SPATA7: variants seen among roughly 807,000 people sequenced by gnomAD.
SPATA7 encodes the protein spermatogenesis-associated protein 7.
SPATA7 carries 43 observed loss-of-function variants against 51.8 expected under a neutral mutation model. The ratio of observed to expected loss-of-function variants is 0.83; its 90% CI spans 0.65 to 1.07. SPATA7 has a LOEUF of 1.07. SPATA7 is among the 50% of genes least tolerant of loss of function. The probability of loss-of-function intolerance (pLI) is 0.00; values close to 1 mark genes in which losing one functional copy is unlikely to be tolerated. For missense variants in SPATA7, 683 were observed against 701.3 expected, an observed-to-expected ratio of 0.97 and a Z score of 0.30; for synonymous variants, 230 against 252.8, an observed-to-expected ratio of 0.91 and a Z score of 0.86.
chr14:88,468,308 G>A, intron 4 of SPATA7: 3 of 1,521,482 alleles, frequency 2.0e-6, no homozygotes, highest in Non-Finnish European at 2.7e-6. Context: ...TGTTCCCCTG[G>A]GGAGACAGAA....
At chr14:88,425,118 A>T (rs1433333108) in intron 5 of SPATA7, among the ~76,000 whole-genome samples, 1 of 152,138 alleles carries the variant, frequency 6.6e-6, no homozygotes, top group African/African-American at 2.4e-5. Flanking sequence ...CAGTGTTTTT[A>T]TCTACAAAAT....
intron 1 of SPATA7, among the ~76,000 whole-genome samples, chr14:88,390,036 G>C (rs554625531): frequency 3.9e-5 from 6 of 152,186 alleles, no homozygotes; most frequent in Admixed American, 3.9e-4. Context: ...TCCCAAATCT[G>C]TCACATTCTT....
chr14:88,417,291 TTTAATCTG>T (rs2076507146), intron 5 of SPATA7, among the ~76,000 whole-genome samples: 1 of 129,956 alleles, frequency 7.7e-6, no homozygotes, highest in Non-Finnish European at 1.6e-5. Flanking sequence ...ATTTTTCTCT[TTTAATCTG>T]TGGGGTTTTT....
rs142122029 is a variant in SPATA7 at position 88,438,112 on chromosome 14, A to G, written c.1490A>G (p.Lys497Arg). Residue 497 changes from lysine to arginine, a missense_variant, in exon 12 of 12, where the codon AAA becomes AGA. Coordinates refer to ENST00000393545, the MANE Select transcript of SPATA7 (RefSeq NM_018418.5). ...ACTGAATTTTTCATGCCTATTTATAAATCAAAGCATTCAGAAGGGGTTATA... is the reference window on the plus strand; with the variant it reads ...ACTGAATTTTTCATGCCTATTTATAGATCAAAGCATTCAGAAGGGGTTATA... ...SPTEFFMPIY[K>R]SKHSEGVIIQ... 105 of 1,614,090 alleles carry G rather than the reference A, an allele frequency of 6.5e-5. No homozygotes were observed. The African/African-American group carries it at 1.3e-3, about 21-fold the overall frequency.
At chr14:88,402,493 T>G (rs750160397) in intron 4 of SPATA7, among the ~76,000 whole-genome samples, 38 of 152,176 alleles carry the variant, frequency 2.5e-4, no homozygotes, top group Non-Finnish European at 4.0e-4. Flanking sequence ...TAAATCCATG[T>G]GTTTATAGTC....
At position 88,389,165 on chromosome 14, in the gene SPATA7, G is replaced by C. The variant is rs533664769; in HGVS notation, c.20-2216G>C. On this transcript the variant is annotated intron_variant, in intron 1 of 11. Transcript: ENST00000393545. ...AAGGAGGAACCAGAAACTATGAGAG[G>C]GTAGATGAATTAAATCGTCTTATTT... Among the ~76,000 whole-genome samples the C allele has an allele frequency of 3.3e-5, 5 of 150,800 alleles. No individual in the cohort carries two copies. In the East Asian group the frequency reaches 7.8e-4, roughly 23 times the overall value.
downstream of SPATA7, among the ~76,000 whole-genome samples, chr14:88,439,348 C>T (rs950476570): frequency 6.6e-6 from 1 of 152,132 alleles, no homozygotes; most frequent in African/African-American, 2.4e-5. Context: ...GTCTGAAGCC[C>T]TCTCCTACCC....
At chr14:88,426,157 T>A (rs1401670237) in intron 5 of SPATA7, 75 bp from the exon 6 acceptor site, 15 of 1,050,620 alleles carry the variant, frequency 1.4e-5, no homozygotes, top group Non-Finnish European at 1.9e-5. Flanking sequence ...ATCATTTTTT[T>A]AATGTATAAT....
intron 4 of SPATA7, among the ~76,000 whole-genome samples, chr14:88,400,868 C>T (rs945492999): frequency 2.0e-5 from 3 of 151,978 alleles, no homozygotes; most frequent in African/African-American, 7.2e-5. Context: ...AAAAAACTTC[C>T]CAACAAAGAA....
chr14:88,455,801 C>T (rs992299007), downstream of SPATA7, among the ~76,000 whole-genome samples: 7 of 152,042 alleles, frequency 4.6e-5, no homozygotes, highest in South Asian at 4.2e-4. Flanking sequence ...TATGTATACA[C>T]GTGCCGTGTT....
At position 88,398,077 on chromosome 14, in the gene SPATA7, G is replaced by A. The variant is rs185910550; in HGVS notation, c.238+1874G>A. On this transcript the variant is annotated intron_variant, in intron 4 of 11. Transcript: ENST00000393545. The stretch of plus-strand genomic sequence containing the variant: ...AGCCTGGGCGAGAGAGCAAGACACC[G>A]TCTCAAAAAAAAAAAAGAAATGTAT... Among the ~76,000 whole-genome samples, 298 of 137,400 alleles carry A rather than the reference G, an allele frequency of 2.2e-3. 1 individual carries two copies. The highest frequency in any genetic ancestry group is 7.8e-3 in the African/African-American group (284 of 36,226). The allele number at this position is 137,400 out of a possible 152,430, so 90.1% of individuals were successfully genotyped here.
intron 4 of SPATA7, among the ~76,000 whole-genome samples, chr14:88,412,608 G>T (rs549457283): frequency 2.0e-5 from 3 of 152,264 alleles, no homozygotes; most frequent in African/African-American, 7.2e-5. Flanking sequence ...TTCTTTGTCA[G>T]CACCCTCACA....
At chr14:88,390,487 A>C (rs2139862577) in intron 1 of SPATA7, among the ~76,000 whole-genome samples, 1 of 152,278 alleles carries the variant, frequency 6.6e-6, no homozygotes, top group East Asian at 1.9e-4. Flanking sequence ...CAGTGAAATG[A>C]AAGTACCTTT....
chr14:88,469,004 G>T lies in SPATA7; in HGVS notation c.255-843G>T. The T allele has an allele frequency of 1.2e-6, 2 of 1,614,146 alleles. No individual in the cohort carries two copies. The highest frequency in any genetic ancestry group is 1.7e-6 in the Non-Finnish European group (2 of 1,180,026). On this transcript the variant is annotated intron_variant, in intron 4 of 4. Coordinates refer to the SPATA7 transcript ENST00000556406. This position sits in a 1 kb window ranked among gnomAD's most constrained non-coding sequence, Gnocchi z 4.3. Reference sequence around the variant, plus strand: ...CCCAGCACTGCAGTGGACCAACAACGGAGGGTTGGGGCTTTGGGGATCACT... The same window carrying T: ...CCCAGCACTGCAGTGGACCAACAACTGAGGGTTGGGGCTTTGGGGATCACT...
chr14:88,431,482 C>T (rs2076939491), intron 9 of SPATA7, among the ~76,000 whole-genome samples: 2 of 152,114 alleles, frequency 1.3e-5, no homozygotes, highest in Admixed American at 1.3e-4. Flanking sequence ...TATCCTTCTT[C>T]TAGCTATTTG....
chr14:88,427,418 G>C lies in SPATA7; in HGVS notation c.846-212G>C, dbSNP rs370658008. Among the ~76,000 whole-genome samples, 13 of 151,994 alleles carry C rather than the reference G, an allele frequency of 8.6e-5. No homozygotes were observed. The East Asian group carries it at 2.3e-3, about 27-fold the overall frequency. On this transcript the variant is annotated intron_variant, in intron 6 of 11. Transcript: ENST00000393545. ...AGAAAGTAAAAACAATTTAAGATTA[G>C]TATTTTTTTCTTTGAATATAGATAA...
chr14:88,432,147 C>G (rs1213796595), intron 9 of SPATA7, among the ~76,000 whole-genome samples: 1 of 152,038 alleles, frequency 6.6e-6, no homozygotes, highest in Non-Finnish European at 1.5e-5. Flanking sequence ...TCAGGATACT[C>G]TTTCCAGAGG....
intron 9 of SPATA7, among the ~76,000 whole-genome samples, chr14:88,432,332 C>A: frequency 6.6e-6 from 1 of 152,184 alleles, no homozygotes; most frequent in East Asian, 1.9e-4. Flanking sequence ...TTTTATTAAA[C>A]ATTTAAATCT....
chr14:88,438,566 A>G (rs924496248), downstream of SPATA7: 4 of 728,190 alleles, frequency 5.5e-6, no homozygotes, highest in South Asian at 1.6e-5. Flanking sequence ...TGTGCCACAC[A>G]TTTATTATTT....
Sources: allele counts gnomAD v4.1 joint callset (sites outside exome capture counted in the v4.1 genomes callset), GRCh38; gene constraint gnomAD v4.1.1; non-coding constraint Gnocchi (gnomAD v3.1); transcripts MANE v1.5; gene names NCBI Gene and HGNC (gene_info 2026-07-23, HGNC 2026-07-21).